MARCHF8: variants seen among roughly 807,000 people sequenced by gnomAD.
MARCHF8 encodes E3 ubiquitin-protein ligase MARCHF8.
A neutral mutation model predicts 51.6 loss-of-function variants in MARCHF8; 40 were observed. That is an observed-to-expected ratio of 0.77 (90% CI 0.60 to 1.01). MARCHF8 has a LOEUF of 1.01. Ranked by LOEUF, MARCHF8 falls within the 50% of genes least tolerant of loss-of-function variation. The pLI, the probability that MARCHF8 is intolerant of heterozygous loss-of-function variation, is 0.00. For synonymous variants in MARCHF8, 263 were observed against 280.3 expected, an observed-to-expected ratio of 0.94 and a Z score of 0.62; for missense variants, 685 against 708.6, an observed-to-expected ratio of 0.97 and a Z score of 0.38.
At chr10:45,488,678 G>A (rs1363301845) in intron 3 of MARCHF8, among the ~76,000 whole-genome samples, 1 of 152,170 alleles carries the variant, frequency 6.6e-6, no homozygotes, top group Non-Finnish European at 1.5e-5. Context: ...AGAACCTTTT[G>A]TTCAAGGAAT....
chr10:45,542,966 T>C (rs956254281), intron 1 of MARCHF8, among the ~76,000 whole-genome samples: 2 of 152,262 alleles, frequency 1.3e-5, no homozygotes, highest in African/African-American at 4.8e-5. Flanking sequence ...CTGTCCCATC[T>C]ATCCTACTCT....
At chr10:45,490,908 C>T (rs552261997) in intron 2 of MARCHF8, among the ~76,000 whole-genome samples, 1 of 152,042 alleles carries the variant, frequency 6.6e-6, no homozygotes, top group East Asian at 1.9e-4. Context: ...TGACTAAATA[C>T]TTTTTGTGGA....
At chr10:45,544,665 G>C (rs1429563785) in intron 1 of MARCHF8, among the ~76,000 whole-genome samples, 1 of 152,152 alleles carries the variant, frequency 6.6e-6, no homozygotes, top group Admixed American at 6.5e-5. Flanking sequence ...TCTTGAGAAG[G>C]CAGATCAGTG....
At chr10:45,491,510 T>A (rs1487292890) in intron 2 of MARCHF8, among the ~76,000 whole-genome samples, 3 of 152,070 alleles carry the variant, frequency 2.0e-5, no homozygotes, top group Non-Finnish European at 4.4e-5. Flanking sequence ...CTGCACTGCA[T>A]TCCAGCCTGG....
intron 3 of MARCHF8, among the ~76,000 whole-genome samples, chr10:45,482,171 G>A (rs777709436): frequency 1.1e-4 from 17 of 152,058 alleles, no homozygotes; most frequent in African/African-American, 2.7e-4. Flanking sequence ...AAGAGGACAC[G>A]AACAAATTGA....
At chr10:45,508,386 T>C (rs2043428243) in intron 2 of MARCHF8, among the ~76,000 whole-genome samples, 2 of 151,576 alleles carry the variant, frequency 1.3e-5, no homozygotes, top group Admixed American at 1.3e-4. Context: ...TTACTATTGA[T>C]GAAACTGCAT....
At chr10:45,531,993 T>C (rs1589155637) in intron 2 of MARCHF8, among the ~76,000 whole-genome samples, 2 of 152,314 alleles carry the variant, frequency 1.3e-5, no homozygotes, top group African/African-American at 4.8e-5. Flanking sequence ...GTGCCATTGC[T>C]GCTGAAGCTC....
chr10:45,508,526 G>T (rs1015449895), intron 2 of MARCHF8, among the ~76,000 whole-genome samples: 1 of 152,006 alleles, frequency 6.6e-6, no homozygotes, highest in African/African-American at 2.4e-5. Flanking sequence ...TGTTAACTTG[G>T]TTACAACTTC....
At chr10:45,534,306 C>A (rs1361706061) in intron 1 of MARCHF8, among the ~76,000 whole-genome samples, 1 of 151,870 alleles carries the variant, frequency 6.6e-6, no homozygotes. Context: ...CTATAGTTTG[C>A]CAAACACTGC....
intron 2 of MARCHF8, among the ~76,000 whole-genome samples, chr10:45,495,853 GAGA>G (rs2043166476): frequency 6.6e-6 from 1 of 151,398 alleles, no homozygotes; most frequent in Admixed American, 6.6e-5. Flanking sequence ...AAAAAGAAAA[GAGA>G]AGAAGAGAAG....
chr10:45,579,101 G>T (rs998835021), intron 1 of MARCHF8, among the ~76,000 whole-genome samples: 2 of 152,156 alleles, frequency 1.3e-5, no homozygotes, highest in Admixed American at 6.6e-5. Context: ...TTTTACTGTG[G>T]TTATGCAAGA....
intron 1 of MARCHF8, among the ~76,000 whole-genome samples, chr10:45,589,545 T>C (rs2044655181): frequency 6.6e-6 from 1 of 152,218 alleles, no homozygotes. Context: ...TAGTCCTCTT[T>C]AGCTGTCAAA....
At chr10:45,477,187 T>C (rs1376934688) in intron 3 of MARCHF8, among the ~76,000 whole-genome samples, 4 of 151,900 alleles carry the variant, frequency 2.6e-5, no homozygotes, top group African/African-American at 9.7e-5. Flanking sequence ...GGATGATATA[T>C]TCAAAGTGCT....
intron 3 of MARCHF8, among the ~76,000 whole-genome samples, chr10:45,472,106 T>C (rs917627297): frequency 3.3e-5 from 5 of 152,200 alleles, no homozygotes; most frequent in African/African-American, 1.2e-4. Flanking sequence ...TCACTTCCTC[T>C]AGGCCTAGGC....
intron 1 of MARCHF8, among the ~76,000 whole-genome samples, chr10:45,543,797 C>CAAAAAAAAAAAA (rs35514763): frequency 2.0e-5 from 1 of 49,728 alleles, no homozygotes; most frequent in Non-Finnish European, 3.6e-5. Flanking sequence ...GACTCCGTCT[C>CAAAAAAAAAAAA]AAAAAAAAAA....
chr10:45,516,198 G>A (rs1484689850), intron 2 of MARCHF8, among the ~76,000 whole-genome samples: 1 of 152,108 alleles, frequency 6.6e-6, no homozygotes, highest in Non-Finnish European at 1.5e-5. Context: ...CTAACTCCCA[G>A]TTTCCTGATG....
At chr10:45,468,379 G>A (rs377038486) in intron 3 of MARCHF8, among the ~76,000 whole-genome samples, 1 of 152,184 alleles carries the variant, frequency 6.6e-6, no homozygotes, top group South Asian at 2.1e-4. Flanking sequence ...CTTGGCCTCT[G>A]GCGCCTTCTG....
At chr10:45,474,859 T>C (rs2042757783) in intron 3 of MARCHF8, among the ~76,000 whole-genome samples, 1 of 152,148 alleles carries the variant, frequency 6.6e-6, no homozygotes, top group African/African-American at 2.4e-5. Flanking sequence ...TACCATGCAC[T>C]TCTGCAATTC....
intron 2 of MARCHF8, among the ~76,000 whole-genome samples, chr10:45,493,840 C>G (rs555520577): frequency 3.9e-5 from 6 of 152,242 alleles, no homozygotes; most frequent in African/African-American, 1.4e-4. Context: ...AGTAGCTATT[C>G]ACGAGTACCA....
Sources: allele counts gnomAD v4.1 joint callset (sites outside exome capture counted in the v4.1 genomes callset), GRCh38; gene constraint gnomAD v4.1.1; transcripts MANE v1.5; gene names NCBI Gene and HGNC (gene_info 2026-07-23, HGNC 2026-07-21).